Variants in PTPRD observed in about 807,000 individuals in gnomAD.
PTPRD encodes the protein receptor-type tyrosine-protein phosphatase delta.
Under a neutral mutation model 214.5 loss-of-function variants are expected in PTPRD, and 34 were observed. The ratio of observed to expected loss-of-function variants is 0.16; its 90% CI spans 0.12 to 0.21. The LOEUF (loss-of-function observed/expected upper bound fraction) is 0.21, where lower values mean the gene tolerates loss of function less well. Among genes scored for constraint, PTPRD ranks in the 10% least tolerant of loss-of-function variants. PTPRD has a pLI of 1.00. For synonymous variants in PTPRD, 1,128 were observed against 845.7 expected (o/e 1.33, Z -5.79); for missense variants, 2,545 against 2,398.7 (o/e 1.06, Z -1.27).
In PTPRD at chr9:9,376,783, G is replaced by A. The variant is rs13283202; in HGVS notation, c.-203+20666C>T. Among the ~76,000 whole-genome samples the A allele has an allele frequency of 2.5e-3, 381 of 152,074 alleles. 1 individual carries two copies. Among genetic ancestry groups the A allele is most frequent in the Non-Finnish European group, 4.3e-3 (294 of 67,966 alleles). On this transcript the variant is annotated intron_variant, in intron 9 of 45. Coordinates refer to ENST00000381196, the MANE Select transcript of PTPRD (RefSeq NM_002839.4). ...GTATAACATTTTGTTCACAGTCTCA[G>A]GATGAAAAAAGAAAGGCGGGATCCA...
rs149423216 is a variant in PTPRD, at chr9:10,566,772, T to A, written c.-600+45626A>T. On this transcript the variant is annotated intron_variant, in intron 2 of 45. Transcript: ENST00000381196. ...TTTCCCTTACCTTGAGTCATGAAGA[T>A]ACTCTCATAGCATCTTCCAAGTTTT... is the stretch of plus-strand genomic sequence containing the variant. Among the ~76,000 whole-genome samples the A allele has an allele frequency of 3.0e-3, 464 of 152,194 alleles. 2 individuals are homozygous for A. Among genetic ancestry groups the A allele is most frequent in the African/African-American group, 0.011 (437 of 41,564 alleles).
At chr9:10,548,313 G>A (rs1207058694) in intron 2 of PTPRD, among the ~76,000 whole-genome samples, 1 of 152,016 alleles carries the variant, frequency 6.6e-6, no homozygotes. Context: ...AGAATAAGGA[G>A]AACTTGGCTA....
chr9:8,330,460 G>T (rs529352856), intron 44 of PTPRD, among the ~76,000 whole-genome samples: 2 of 152,208 alleles, frequency 1.3e-5, no homozygotes, highest in African/African-American at 4.8e-5. Flanking sequence ...TGGTAATCTG[G>T]AACTAAACTC....
At chr9:8,819,418 T>C (rs941104499) in intron 11 of PTPRD, among the ~76,000 whole-genome samples, 3 of 152,154 alleles carry the variant, frequency 2.0e-5, no homozygotes, top group African/African-American at 7.2e-5. Flanking sequence ...ATCCCAGCAC[T>C]TTGGGAGGCT....
intron 11 of PTPRD, among the ~76,000 whole-genome samples, chr9:8,946,668 G>C (rs2099066515): frequency 6.6e-6 from 1 of 152,090 alleles, no homozygotes; most frequent in African/African-American, 2.4e-5. Flanking sequence ...AGGGAGTGCA[G>C]TCTCTTTGTT....
At chr9:9,018,288 T>A (rs945556682) in intron 11 of PTPRD, among the ~76,000 whole-genome samples, 6 of 152,132 alleles carry the variant, frequency 3.9e-5, no homozygotes, top group African/African-American at 1.2e-4. Context: ...AACTACTCAC[T>A]GCTCACTAAC....
intron 43 of PTPRD, among the ~76,000 whole-genome samples, chr9:8,332,503 C>T (rs2131734973): frequency 6.6e-6 from 1 of 152,072 alleles, no homozygotes. Flanking sequence ...CAGGAATTAA[C>T]AGTCTGTGGA....
chr9:9,024,347 T>G (rs2099579945), intron 10 of PTPRD, among the ~76,000 whole-genome samples: 3 of 50,194 alleles, frequency 6.0e-5, no homozygotes, highest in South Asian at 1.7e-3. Flanking sequence ...TGTTTTTTTT[T>G]GTTTGTTTTT....
At chr9:9,526,519 G>A (rs2074162409) in intron 8 of PTPRD, among the ~76,000 whole-genome samples, 1 of 152,134 alleles carries the variant, frequency 6.6e-6, no homozygotes, top group African/African-American at 2.4e-5. Context: ...ACAGACTAGA[G>A]TTTTTATGCA....
At position 10,579,935 on chromosome 9, in the gene PTPRD, T is replaced by C. The variant is rs77514957; in HGVS notation, c.-600+32463A>G. On this transcript the variant is annotated intron_variant, in intron 2 of 45. Coordinates refer to ENST00000381196, the MANE Select transcript of PTPRD (RefSeq NM_002839.4). ...TTTAAGAAGTGTCTATTCATGCCCT[T>C]TGTCAATGTTCAATGGGGTTGTTTT... Among the ~76,000 whole-genome samples the C allele has an allele frequency of 8.8e-3, 1,347 of 152,264 alleles. 12 individuals are homozygous for C. Among genetic ancestry groups the C allele is most frequent in the Non-Finnish European group, 0.011 (752 of 68,002 alleles).
chr9:10,424,313 T>TTCTCTCTCTCTCTCTCTCTC (rs35994999), intron 2 of PTPRD, among the ~76,000 whole-genome samples: 1 of 145,482 alleles, frequency 6.9e-6, no homozygotes, highest in African/African-American at 2.5e-5. Context: ...TGGTTTCCTT[T>TTCTCTCTCTCTCTCTCTCTC]TCTCTCTCTC....
chr9:9,133,937 T>C (rs141464814), intron 10 of PTPRD, among the ~76,000 whole-genome samples: 73 of 152,106 alleles, frequency 4.8e-4, no homozygotes, highest in East Asian at 2.3e-3. Context: ...AAGACTTCCA[T>C]ACTCTAATAG....
chr9:8,529,130 C>T (rs2139519611), intron 14 of PTPRD, among the ~76,000 whole-genome samples: 1 of 152,130 alleles, frequency 6.6e-6, no homozygotes, highest in South Asian at 2.1e-4. Context: ...GGAAAGAACA[C>T]AATCGGCCAA....
chr9:8,488,808 C>G (rs963699041), intron 27 of PTPRD, among the ~76,000 whole-genome samples: 5 of 152,132 alleles, frequency 3.3e-5, no homozygotes, highest in African/African-American at 1.2e-4. Flanking sequence ...TGAGAAAAAT[C>G]CATGGTGAAA....
intron 2 of PTPRD, among the ~76,000 whole-genome samples, chr9:10,544,054 T>C (rs764478197): frequency 3.3e-5 from 5 of 152,190 alleles, no homozygotes; most frequent in African/African-American, 4.8e-5. Flanking sequence ...TATATCATCA[T>C]AGTCTTAATA....
intron 9 of PTPRD, among the ~76,000 whole-genome samples, chr9:9,269,720 C>G (rs914817865): frequency 6.6e-6 from 1 of 151,144 alleles, no homozygotes. Flanking sequence ...ATGGATGAAC[C>G]TGGAACACAT....
intron 8 of PTPRD, among the ~76,000 whole-genome samples, chr9:9,514,308 G>GT (rs147767835): frequency 0.011 from 1,647 of 152,136 alleles, 19 homozygotes; most frequent in South Asian, 0.019. Flanking sequence ...TCATAACTGA[G>GT]TTTTTTTGAT....
intron 11 of PTPRD, among the ~76,000 whole-genome samples, chr9:8,921,691 A>G (rs2098829009): frequency 1.3e-5 from 2 of 151,882 alleles, no homozygotes; most frequent in South Asian, 2.1e-4. Context: ...ACAGGGTTTC[A>G]CCATGTTGGC....
At chr9:10,253,164 A>T (rs917706094) in intron 3 of PTPRD, among the ~76,000 whole-genome samples, 1 of 152,192 alleles carries the variant, frequency 6.6e-6, no homozygotes, top group Non-Finnish European at 1.5e-5. Flanking sequence ...GATTAAAAAA[A>T]TTTCTGATAT....
Sources: allele counts gnomAD v4.1 joint callset (sites outside exome capture counted in the v4.1 genomes callset), GRCh38; gene constraint gnomAD v4.1.1; transcripts MANE v1.5; gene names NCBI Gene and HGNC (gene_info 2026-07-23, HGNC 2026-07-21).